The following USP1 variants were observed in gnomAD, a reference collection of about 807,000 sequenced individuals.
USP1 encodes the protein ubiquitin carboxyl-terminal hydrolase 1.
In USP1, 18 loss-of-function variants were observed where a neutral mutation model predicts 72.2. That is an observed-to-expected ratio of 0.25 (90% CI 0.17 to 0.37). USP1 has a LOEUF of 0.37. Ranked by LOEUF, USP1 falls within the 10% of genes least tolerant of loss-of-function variation. The pLI, the probability that USP1 is intolerant of heterozygous loss-of-function variation, is 1.00. For missense variants in USP1, 759 were observed against 884.9 expected, an observed-to-expected ratio of 0.86 and a Z score of 1.81; for synonymous variants, 354 against 303.7, an observed-to-expected ratio of 1.17 and a Z score of -1.72.
chr1:62,447,822 G>A (rs945301654), intron 7 of USP1, among the ~76,000 whole-genome samples: 1 of 151,844 alleles, frequency 6.6e-6, no homozygotes, highest in Non-Finnish European at 1.5e-5. Context: ...AGTCTTGCTC[G>A]GTTGCCCAGG....
At chr1:62,447,320 A>G (rs1288555879) in intron 6 of USP1, 21 bp from the exon 7 acceptor site, 3 of 1,606,808 alleles carry the variant, frequency 1.9e-6, no homozygotes, top group Non-Finnish European at 2.5e-6. Context: ...ATAGACTTAC[A>G]TTTTCCTATT....
chr1:62,450,578 C>T lies in USP1; in HGVS notation c.1955C>T (p.Thr652Ile). 1 of 1,613,902 alleles carries T rather than the reference C, an allele frequency of 6.2e-7. No homozygotes were observed. ...EEVSIRVGGN[T>I]QPSKVLNKKN... Reference sequence around the variant, plus strand: ...GTGTCAATTAGAGTTGGTGGAAATACACAGCCAAGTAAAGTTTTGAACAAA... The same window carrying T: ...GTGTCAATTAGAGTTGGTGGAAATATACAGCCAAGTAAAGTTTTGAACAAA... The change falls in exon 9 of 9, where the codon ACA (threonine) becomes ATA (isoleucine). Residue 652 changes from threonine (T) to isoleucine (I), a missense_variant. This residue lies in a region of USP1 where 159 missense variants were observed against 140.9 expected (regional missense o/e 1.13). Coordinates refer to ENST00000339950, the MANE Select transcript of USP1 (RefSeq NM_003368.5).
At position 62,437,098 on chromosome 1, in the gene USP1, G is replaced by T. The variant is rs576992965; in HGVS notation, c.-372G>T. The T allele has an allele frequency of 2.5e-6, 1 of 399,050 alleles. No homozygotes were observed. The highest frequency in any genetic ancestry group is 4.4e-6 in the Non-Finnish European group (1 of 226,058). The allele number at this position is 399,050 out of a possible 1,614,324, so 24.7% of individuals were successfully genotyped here. ...TGGCGGAGTGCTAAAGACCCTAGCG[G>T]TTCAGGCGTTCGGCGAGCGGGGCCG... is the stretch of plus-strand genomic sequence containing the variant. On this transcript the variant is annotated 5_prime_UTR_variant, in exon 1 of 9. Coordinates refer to ENST00000339950, the MANE Select transcript of USP1 (RefSeq NM_003368.5).
intron 6 of USP1, among the ~76,000 whole-genome samples, 187 bp downstream of exon 6, chr1:62,445,616 G>A (rs771922322): frequency 2.7e-4 from 37 of 136,980 alleles, no homozygotes; most frequent in Admixed American, 3.6e-4. Flanking sequence ...TGTATATATT[G>A]TATGCATATA....
chr1:62,438,983 G>T (rs1222573167), intron 1 of USP1, among the ~76,000 whole-genome samples: 1 of 152,098 alleles, frequency 6.6e-6, no homozygotes, highest in Non-Finnish European at 1.5e-5. Flanking sequence ...TCTATGCCTT[G>T]AATGCAAATT....
chr1:62,439,780 CT>C lies in USP1; in HGVS notation c.-69-16del, dbSNP rs1645119679. The C allele has an allele frequency of 8.4e-7, 1 of 1,192,308 alleles. No individual in the cohort carries two copies. Among genetic ancestry groups the C allele is most frequent in the African/African-American group, 1.6e-5 (1 of 64,058 alleles). The allele number at this position is 1,192,308 out of a possible 1,614,324, so 73.9% of individuals were successfully genotyped here. The stretch of plus-strand genomic sequence containing the variant: ...AACTGATAACCAAAAACTAATGAAA[CT>C]TTCTCTGTGATTAACAGATATAATT... On this transcript the variant is annotated intron_variant, in intron 1 of 8. Transcript: ENST00000339950.
At chr1:62,445,467 T>TAGC (rs759861937) in intron 6 of USP1, 38 bp downstream of exon 6, 3 of 1,460,460 alleles carry the variant, frequency 2.1e-6, no homozygotes, top group Admixed American at 5.2e-5. Flanking sequence ...GTAGAAGCAT[T>TAGC]AGCAGCTACA....
intron 2 of USP1, among the ~76,000 whole-genome samples, chr1:62,440,634 T>C (rs952758188): frequency 1.3e-5 from 2 of 152,328 alleles, no homozygotes; most frequent in Non-Finnish European, 2.9e-5. Flanking sequence ...GCTGGGTGAC[T>C]AAGGTGGATT....
chr1:62,447,663 A>G (rs553881391), intron 7 of USP1, 152 bp downstream of exon 7: 9 of 798,920 alleles, frequency 1.1e-5, no homozygotes, highest in Admixed American at 3.3e-5. Flanking sequence ...GGCTTCACTT[A>G]TAAATGGTTA....
In USP1 at chr1:62,445,226, C is replaced by T. The variant is rs373500322; in HGVS notation, c.1046C>T (p.Pro349Leu). 13 of 1,612,048 alleles carry T rather than the reference C, an allele frequency of 8.1e-6. No individual in the cohort carries two copies. Among genetic ancestry groups the T allele is most frequent in the Middle Eastern group, 3.3e-4 (2 of 6,046 alleles). The change falls in exon 6 of 9, where the codon CCC becomes CTC. Residue 349 changes from proline to leucine, a missense_variant. This residue lies in a region of USP1 where 245 missense variants were observed against 240.7 expected (regional missense o/e 1.02). Transcript: ENST00000339950. ...INWLKSATKQPSILSKFCSLG... is the reference protein window; with the variant it reads ...INWLKSATKQLSILSKFCSLG... ...TGGTTAAAGTCTGCAACTAAGCAAC[C>T]CAGCATTCTTTCTAAATTTTGTAGT... is the stretch of plus-strand genomic sequence containing the variant.
chr1:62,447,600 G>C (rs1342662580), intron 7 of USP1, 89 bp downstream of exon 7: 1 of 1,431,066 alleles, frequency 7.0e-7, no homozygotes. Flanking sequence ...GGTGTAATTA[G>C]GGAGGGGAAA....
chr1:62,446,807 AT>A (rs1241908246), intron 6 of USP1, among the ~76,000 whole-genome samples: 1 of 151,554 alleles, frequency 6.6e-6, no homozygotes, highest in Admixed American at 6.6e-5. Flanking sequence ...ACTTTTTTTT[AT>A]TTTTTATTTT....
rs768096969 is a variant in USP1 at position 62,447,507 on chromosome 1, T to C, written c.1416T>C (p.Ser472=). Residue 472 remains serine, a synonymous_variant, in exon 7 of 9, where the codon TCT becomes TCC. Coordinates refer to ENST00000339950, the MANE Select transcript of USP1 (RefSeq NM_003368.5). ...AGCTTTCCAAAGTAGAGGAGAGTTC[T>C]GAAAGTAAGCAAAATTGGAGTCTTG... The part of the protein sequence containing the change: ...EDELSKVEES[S]EISPEPKTEM... The C allele has an allele frequency of 6.2e-7, 1 of 1,609,746 alleles. No homozygotes were observed. Among genetic ancestry groups the C allele is most frequent in the East Asian group, 2.2e-5 (1 of 44,804 alleles).
At position 62,439,934 on chromosome 1, in the gene USP1, C is replaced by G; in HGVS notation, c.67C>G (p.Leu23Val). 6.4e-7 allele frequency: 1 copy of G among 1,567,984 alleles called. No homozygotes were observed. Among genetic ancestry groups the G allele is most frequent in the African/African-American group, 1.4e-5 (1 of 72,256 alleles). The change falls in exon 2 of 9, where the codon CTT (leucine) becomes GTT (valine). Residue 23 changes from leucine (L) to valine (V), a missense_variant. Physicochemically the swap from Leu to Val is conservative, Grantham distance 32 (BLOSUM62 1). This residue lies in a region of USP1 where 86 missense variants were observed against 82.0 expected (regional missense o/e 1.05). Transcript: ENST00000339950. ...AGGTAGCCCTTCAAAGAAAAACAGA[C>G]TTTCCTTAAAGTTTTTTCAGAAAAA... ...SRGSPSKKNR[L>V]SLKFFQKKET...
chr1:62,443,787 G>A (rs1054342718), intron 5 of USP1, among the ~76,000 whole-genome samples: 1 of 152,154 alleles, frequency 6.6e-6, no homozygotes, highest in Non-Finnish European at 1.5e-5. Flanking sequence ...TTTTATATGT[G>A]ATTAGAGGAG....
In USP1 at chr1:62,450,913, C is replaced by G. The variant is rs377155269; in HGVS notation, c.2290C>G (p.Leu764Val). 3.0e-5 allele frequency: 49 copies of G among 1,613,432 alleles called. No homozygotes were observed. The highest frequency in any genetic ancestry group is 1.7e-5 in the Non-Finnish European group (20 of 1,179,838). The change falls in exon 9 of 9, where the codon CTG becomes GTG. Residue 764 changes from leucine (L) to valine (V), a missense_variant. Leu to Val is a conservative substitution (Grantham distance 32). Transcript: ENST00000339950. ...EVKVTEEKDF[L>V]NSLSPSTSPT... ...CAAAGTTACTGAAGAGAAGGACTTT[C>G]TGAATTCTCTTTCCCCTTCTACATC... is the stretch of plus-strand genomic sequence containing the variant.
intron 2 of USP1, 110 bp downstream of exon 2, chr1:62,440,147 C>T: frequency 1.1e-6 from 1 of 925,670 alleles, no homozygotes; most frequent in Admixed American, 3.6e-5. Context: ...AAAAAGTACG[C>T]TTCAGTGTAC....
chr1:62,436,903 C>T (rs1439420223), upstream of USP1: 2 of 388,098 alleles, frequency 5.2e-6, no homozygotes, highest in African/African-American at 2.1e-5. Flanking sequence ...CCCGTGCGTG[C>T]CAGGGGCGAG....
At chr1:62,437,763 C>G (rs1166524988) in intron 1 of USP1, among the ~76,000 whole-genome samples, 1 of 152,244 alleles carries the variant, frequency 6.6e-6, no homozygotes, top group African/African-American at 2.4e-5. Flanking sequence ...AACGTTTCCA[C>G]GCAGGTTGCC....
Sources: gnomAD v4.1 joint callset for allele counts (sites outside exome capture counted in the v4.1 genomes callset) on GRCh38, gnomAD v4.1.1 for gene constraint, gnomAD v4.1.1 regional missense constraint, MANE v1.5 for transcripts, NCBI Gene and HGNC (gene_info 2026-07-23, HGNC 2026-07-21) for gene names.